The following RHOC variants were observed in gnomAD, a reference collection of about 807,000 sequenced individuals.
RHOC encodes the protein rho-related GTP-binding protein RhoC.
In RHOC, 13 loss-of-function variants were observed where a neutral mutation model predicts 19.5. That is an observed-to-expected ratio of 0.67 (90% confidence interval 0.43 to 1.06). The LOEUF is 1.06. Among genes scored for constraint, RHOC ranks in the 50% least tolerant of loss-of-function variants. The pLI, the probability that RHOC is intolerant of heterozygous loss-of-function variation, is 0.00. For synonymous variants in RHOC, 106 were observed against 97.3 expected (o/e 1.09, Z -0.52); for missense variants, 173 against 256.9 (o/e 0.67, Z 2.23).
At chr1:112,706,030 T>C (rs1674823411) in intron 1 of RHOC, 1 of 217,852 alleles carries the variant, frequency 4.6e-6, no homozygotes, top group East Asian at 1.1e-4. Flanking sequence ...AAGGCCAAGA[T>C]GGCATGGACA....
Position 112,701,703 on chromosome 1 carries a change from C to G in RHOC, c.419G>C (p.Arg140Pro), listed in dbSNP as rs147557411. ...CGCCATGTCCCGGCCTTCCTCAGAC[C>G]GAACGGGCTCCTGAGAAGACATAAG... ...ELAKMKQEPV[R>P]SEEGRDMANR... The change falls in exon 6 of 6, where the codon CGG becomes CCG. Residue 140 changes from arginine to proline, a missense_variant. This residue lies in a region of RHOC where 81 missense variants were observed against 85.8 expected (regional missense o/e 0.94). Coordinates refer to ENST00000339083, the MANE Select transcript of RHOC (RefSeq NM_175744.5). 3 of 1,613,892 alleles carry G rather than the reference C, an allele frequency of 1.9e-6. No homozygotes were observed. The highest frequency in any genetic ancestry group is 1.1e-5 in the South Asian group (1 of 91,086).
chr1:112,706,496 A>ACCCCCACAC lies in RHOC; in HGVS notation c.-77+581_-77+582insGTGTGGGGG, dbSNP rs1557780845. Among the ~76,000 whole-genome samples the ACCCCCACAC allele has an allele frequency of 2.9e-3, 119 of 40,914 alleles. 3 individuals carry two copies. Among genetic ancestry groups the ACCCCCACAC allele is most frequent in the Admixed American group, 6.1e-3 (21 of 3,448 alleles). 26.8% of individuals were successfully genotyped at this position (40,914 alleles called of 152,430 possible). ...CACACACACACACACACACACACAC[A>ACCCCCACAC]CACACACACACACACACACACACAC... On this transcript the variant is annotated intron_variant, in intron 1 of 5. Coordinates refer to ENST00000339083, the MANE Select transcript of RHOC (RefSeq NM_175744.5).
rs1674744007 is a variant in RHOC at position 112,703,723 on chromosome 1, C to G, written c.77G>C (p.Ser26Thr). The change falls in exon 3 of 6, where the codon AGC (serine) becomes ACC (threonine). Residue 26 changes from serine to threonine, a missense_variant. Ser to Thr is a moderately conservative substitution (Grantham distance 58, BLOSUM62 1). Transcript: ENST00000339083. ...CGKTCLLIVF[S>T]KDQFPEVYVP... ...GTAGACCTCCGGAAACTGATCCTTG[C>G]TGAAGACGATGAGGAGGCAGGTCTT... 4 of 1,613,440 alleles carry G rather than the reference C, an allele frequency of 2.5e-6. No homozygotes were observed. Among genetic ancestry groups the G allele is most frequent in the Non-Finnish European group, 3.4e-6 (4 of 1,179,830 alleles).
rs1445187406 is a variant in RHOC at position 112,703,663 on chromosome 1, A to T, written c.137T>A (p.Ile46Asn). The T allele has an allele frequency of 6.2e-7, 1 of 1,613,126 alleles. No homozygotes were observed. The highest frequency in any genetic ancestry group is 1.3e-5 in the African/African-American group (1 of 74,860). The change falls in exon 3 of 6, where the codon ATT becomes AAT. Residue 46 changes from isoleucine to asparagine, a missense_variant. Transcript: ENST00000339083. ...PTVFENYIADIEVDGKQVELA... is the reference protein window; with the variant it reads ...PTVFENYIADNEVDGKQVELA... ...CTTCACCTGCTTGCCGTCCACCTCA[A>T]TGTCCGCAATATAGTTCTCAAAGAC... is the stretch of plus-strand genomic sequence containing the variant.
At chr1:112,703,884 C>T (rs2306937) in intron 2 of RHOC, 78 bp from the exon 3 acceptor site, 297,181 of 1,379,636 alleles carry the variant, frequency 0.22, 35,779 homozygotes, top group East Asian at 0.47. Context: ...CCCAAACCTC[C>T]CTGGAAACCG....
At chr1:112,705,052 C>G in intron 2 of RHOC, 48 bp downstream of exon 2, 1 of 702,512 alleles carries the variant, frequency 1.4e-6, no homozygotes, top group East Asian at 2.7e-5. Context: ...GTTCATCACA[C>G]CTTCGCAGCT....
At position 112,702,097 on chromosome 1, in the gene RHOC, G is replaced by C. The variant is rs1674662986; in HGVS notation, c.409-384C>G. On this transcript the variant is annotated intron_variant, in intron 5 of 5. Coordinates refer to ENST00000339083, the MANE Select transcript of RHOC (RefSeq NM_175744.5). ...TATCTTTGCATTTCTTATCCTGACAGCTTTCTCTAATAAACTCTAGTCCTC... is the reference window on the plus strand; with the variant it reads ...TATCTTTGCATTTCTTATCCTGACACCTTTCTCTAATAAACTCTAGTCCTC... 2.0e-5 allele frequency among the ~76,000 whole-genome samples: 3 copies of C among 152,182 alleles called. No homozygotes were observed. The South Asian group carries it at 6.2e-4, about 32-fold the overall frequency.
At chr1:112,703,586 T>C in intron 3 of RHOC, 58 bp downstream of exon 3, 1 of 1,412,662 alleles carries the variant, frequency 7.1e-7, no homozygotes, top group Admixed American at 1.8e-5. Context: ...TACTAGGTCA[T>C]TCAGTGACTG....
intron 1 of RHOC, chr1:112,706,319 G>A (rs994510614): frequency 1.3e-5 from 2 of 152,132 alleles, no homozygotes; most frequent in African/African-American, 2.4e-5. Context: ...ACCAGAGTGA[G>A]GGCGGGACTC....
intron 2 of RHOC, 137 bp downstream of exon 2, chr1:112,704,963 T>C (rs1285463182): frequency 3.4e-6 from 2 of 588,320 alleles, no homozygotes; most frequent in Admixed American, 4.5e-5. Context: ...CACCCCTCCC[T>C]GTGACTCAGG....
chr1:112,702,838 G>C, intron 4 of RHOC, 145 bp from the exon 5 acceptor site: 1 of 1,341,546 alleles, frequency 7.5e-7, no homozygotes, highest in Non-Finnish European at 1.0e-6. Context: ...ACAGTAGTAT[G>C]CCCTCAGAGG....
chr1:112,705,108 G>A lies in RHOC; in HGVS notation c.-16C>T, dbSNP rs746194699. Reference sequence around the variant, plus strand: ...TGGGGAGGGGAACTGACCTCCAGCCGGCTGAAGTTCCCAGGCTGCAGGAAG... The same window carrying A: ...TGGGGAGGGGAACTGACCTCCAGCCAGCTGAAGTTCCCAGGCTGCAGGAAG... On this transcript the variant is annotated 5_prime_UTR_variant, in exon 2 of 6. Coordinates refer to ENST00000339083, the MANE Select transcript of RHOC (RefSeq NM_175744.5). 1.1e-4 allele frequency: 80 copies of A among 702,342 alleles called. No homozygotes were observed. In the African/African-American group the frequency reaches 1.2e-3, roughly 10 times the overall value. The allele number at this position is 702,342 out of a possible 1,614,324, so 43.5% of individuals were successfully genotyped here.
At position 112,703,122 on chromosome 1, in the gene RHOC, GACAC is replaced by G. The variant is rs968758671; in HGVS notation, c.157-7_157-4del. On this transcript the variant is annotated splice_polypyrimidine_tract_variant and splice_region_variant and intron_variant, in intron 3 of 5. Transcript: ENST00000339083. Reference sequence around the variant, plus strand: ...GTGTCCCACAGAGCCAGCTCCACCTGACACACAGGGCCAGTGAGTAGCTGGCCTG... The same window carrying G: ...GTGTCCCACAGAGCCAGCTCCACCTGACAGGGCCAGTGAGTAGCTGGCCTG... 2 of 1,613,812 alleles carry G rather than the reference GACAC, an allele frequency of 1.2e-6. No homozygotes were observed. The highest frequency in any genetic ancestry group is 1.3e-5 in the African/African-American group (1 of 74,926).
chr1:112,703,845 A>G, intron 2 of RHOC, 39 bp from the exon 3 acceptor site: 1 of 1,579,500 alleles, frequency 6.3e-7, no homozygotes, highest in East Asian at 2.3e-5. Context: ...AGGAAAAGCC[A>G]TTAAGTCCAA....
intron 2 of RHOC, chr1:112,704,811 C>T (rs777262591): frequency 7.4e-5 from 31 of 416,916 alleles, no homozygotes; most frequent in Non-Finnish European, 1.1e-4. Context: ...ACTCAGCCCC[C>T]GGCAGGGGAC....
Position 112,701,577 on chromosome 1 carries a change from C to T in RHOC, c.545G>A (p.Arg182His), listed in dbSNP as rs776490490. 1.1e-5 allele frequency: 17 copies of T among 1,614,098 alleles called. No homozygotes were observed. The highest frequency in any genetic ancestry group is 4.4e-5 in the South Asian group (4 of 91,086). Residue 182 changes from arginine (R) to histidine (H), a missense_variant, in exon 6 of 6, where the codon CGC (arginine) becomes CAC (histidine). By Grantham distance (29) the Arg-to-His change is conservative (BLOSUM62 0). Coordinates refer to ENST00000339083, the MANE Select transcript of RHOC (RefSeq NM_175744.5). ...EMATRAGLQV[R>H]KNKRRRGCPI... is the part of the protein sequence containing the mutation. ...ACAGCCCCTCCGACGCTTGTTCTTG[C>T]GGACCTGGAGGCCAGCCCGAGTGGC...
chr1:112,703,821 G>A lies in RHOC; in HGVS notation c.-7-15C>T, dbSNP rs370372319. Reference sequence around the variant, plus strand: ...CCATGGTGGGGCTGCCAGGAAAGACGTATTGGGGATTTGAGGAAAAGCCAT... The same window carrying A: ...CCATGGTGGGGCTGCCAGGAAAGACATATTGGGGATTTGAGGAAAAGCCAT... On this transcript the variant is annotated splice_polypyrimidine_tract_variant and intron_variant, in intron 2 of 5. Coordinates refer to ENST00000339083, the MANE Select transcript of RHOC (RefSeq NM_175744.5). 4.2e-5 allele frequency: 68 copies of A among 1,601,960 alleles called. No homozygotes were observed. Among genetic ancestry groups the A allele is most frequent in the South Asian group, 2.5e-4 (22 of 88,248 alleles).
At chr1:112,703,567 G>A (rs1266456281) in intron 3 of RHOC, 77 bp downstream of exon 3, 1 of 1,196,306 alleles carries the variant, frequency 8.4e-7, no homozygotes, top group Non-Finnish European at 1.2e-6. Context: ...GTAGGAATGG[G>A]GAAGGACATA....
chr1:112,705,596 G>T (rs72986535), intron 1 of RHOC: 9 of 463,016 alleles, frequency 1.9e-5, no homozygotes, highest in African/African-American at 4.0e-5. Flanking sequence ...CAAGCAAGAA[G>T]GCATTCACCC....
Sources: allele counts gnomAD v4.1 joint callset (sites outside exome capture counted in the v4.1 genomes callset), GRCh38; gene constraint gnomAD v4.1.1; regional missense constraint gnomAD v4.1.1; transcripts MANE v1.5; gene names NCBI Gene and HGNC (gene_info 2026-07-23, HGNC 2026-07-21).